Variants in ROBO1 observed in about 807,000 individuals in gnomAD.
ROBO1 encodes the protein roundabout guidance receptor 1.
Under a neutral mutation model 195.9 loss-of-function variants are expected in ROBO1, and 149 were observed. The ratio of observed to expected loss-of-function variants is 0.76; its 90% CI spans 0.67 to 0.87. The LOEUF is 0.87. Among genes scored for constraint, ROBO1 ranks in the 40% least tolerant of loss-of-function variants. The pLI, the probability that ROBO1 is intolerant of heterozygous loss-of-function variation, is 0.00. For missense variants in ROBO1, 1,933 were observed against 2,068.3 expected (o/e 0.93, Z 1.27); for synonymous variants, 816 against 733.2 (o/e 1.11, Z -1.82).
intron 3 of ROBO1, among the ~76,000 whole-genome samples, chr3:78,942,628 A>G (rs2040200250): frequency 6.6e-6 from 1 of 152,218 alleles, no homozygotes; most frequent in Non-Finnish European, 1.5e-5. Flanking sequence ...TAGAATAGCC[A>G]AACGGTACTG....
chr3:78,636,263 T>C (rs1168685640), intron 22 of ROBO1, among the ~76,000 whole-genome samples, 155 bp from the exon 23 acceptor site: 2 of 152,184 alleles, frequency 1.3e-5, no homozygotes, highest in Non-Finnish European at 1.5e-5. Context: ...TATCCACATG[T>C]GCTTTCTAAA....
chr3:79,766,431 C>T (rs912331059), intron 1 of ROBO1, among the ~76,000 whole-genome samples: 1 of 151,798 alleles, frequency 6.6e-6, no homozygotes, highest in African/African-American at 2.4e-5. Flanking sequence ...CCGTCTCCCC[C>T]ACCCCACCCA....
At chr3:78,772,861 G>A (rs1406775833) in intron 4 of ROBO1, among the ~76,000 whole-genome samples, 1 of 152,068 alleles carries the variant, frequency 6.6e-6, no homozygotes, top group East Asian at 1.9e-4. Flanking sequence ...GAGAGGTTAA[G>A]TCAGTTGCTT....
intron 11 of ROBO1, among the ~76,000 whole-genome samples, chr3:78,669,608 C>T (rs1418503846): frequency 6.6e-6 from 1 of 152,180 alleles, no homozygotes; most frequent in Non-Finnish European, 1.5e-5. Flanking sequence ...CATCATTGAG[C>T]ATTCTGATTT....
At chr3:79,676,001 A>G (rs1946773662) in intron 1 of ROBO1, among the ~76,000 whole-genome samples, 1 of 152,024 alleles carries the variant, frequency 6.6e-6, no homozygotes, top group Non-Finnish European at 1.5e-5. Context: ...CTCCTGTGTC[A>G]TATAAAACGT....
At chr3:79,044,629 T>C (rs1204177841) in intron 3 of ROBO1, among the ~76,000 whole-genome samples, 1 of 152,136 alleles carries the variant, frequency 6.6e-6, no homozygotes, top group African/African-American at 2.4e-5. Context: ...TTTTGTTCAG[T>C]ATCTATCTAT....
intron 4 of ROBO1, among the ~76,000 whole-genome samples, chr3:78,896,884 G>A (rs977850720): frequency 6.6e-6 from 1 of 152,110 alleles, no homozygotes; most frequent in Non-Finnish European, 1.5e-5. Context: ...TAAAGTATCT[G>A]CTGCATACAC....
intron 2 of ROBO1, among the ~76,000 whole-genome samples, chr3:79,476,532 GATAA>G (rs1938554590): frequency 6.6e-6 from 1 of 151,930 alleles, no homozygotes; most frequent in Non-Finnish European, 1.5e-5. Flanking sequence ...TCAACGAGTG[GATAA>G]ATAAATTGTG....
chr3:79,190,770 T>G (rs1194197056), intron 2 of ROBO1, among the ~76,000 whole-genome samples: 1 of 151,640 alleles, frequency 6.6e-6, no homozygotes, highest in Non-Finnish European at 1.5e-5. Context: ...TCTAAGCTTT[T>G]TAAAAAAATG....
intron 4 of ROBO1, among the ~76,000 whole-genome samples, chr3:78,802,072 C>T (rs2084387811): frequency 6.6e-6 from 1 of 152,022 alleles, no homozygotes; most frequent in Non-Finnish European, 1.5e-5. Context: ...TCTTTATTTC[C>T]ATTACTATGC....
At chr3:79,073,689 T>A (rs577215090) in intron 3 of ROBO1, among the ~76,000 whole-genome samples, 1 of 151,908 alleles carries the variant, frequency 6.6e-6, no homozygotes, top group East Asian at 1.9e-4. Flanking sequence ...ATGGAACAAA[T>A]AATCTGTTTC....
chr3:78,867,410 T>A (rs1458518651), intron 4 of ROBO1, among the ~76,000 whole-genome samples: 8 of 152,160 alleles, frequency 5.3e-5, no homozygotes, highest in Non-Finnish European at 1.0e-4. Context: ...AGTGTTTGAT[T>A]TTTTTTCCCC....
chr3:79,514,362 T>G (rs1399917764), intron 2 of ROBO1, among the ~76,000 whole-genome samples: 2 of 152,204 alleles, frequency 1.3e-5, no homozygotes, highest in African/African-American at 4.8e-5. Flanking sequence ...GATTGCAGTC[T>G]CTTCTTTTCA....
chr3:78,605,269 T>C (rs1703401933), intron 29 of ROBO1, among the ~76,000 whole-genome samples: 1 of 152,206 alleles, frequency 6.6e-6, no homozygotes, highest in Non-Finnish European at 1.5e-5. Context: ...AATCTCTGGG[T>C]CGGTCAATCT....
chr3:79,567,298 T>A (rs1297025791), intron 2 of ROBO1, among the ~76,000 whole-genome samples: 1 of 152,128 alleles, frequency 6.6e-6, no homozygotes, highest in Non-Finnish European at 1.5e-5. Context: ...CTAGGCTTAA[T>A]ACCTGGGTGA....
chr3:79,753,287 AT>A (rs1297266608), intron 1 of ROBO1, among the ~76,000 whole-genome samples: 1 of 144,056 alleles, frequency 6.9e-6, no homozygotes, highest in East Asian at 2.1e-4. Context: ...GGATACTGGG[AT>A]TTAAAAAAAA....
intron 3 of ROBO1, among the ~76,000 whole-genome samples, chr3:79,014,126 A>C (rs901400623): frequency 1.3e-5 from 2 of 152,136 alleles, no homozygotes; most frequent in African/African-American, 4.8e-5. Context: ...CTAGTTCTTT[A>C]TATAGTTGTT....
At chr3:79,189,537 T>C (rs990809225) in intron 2 of ROBO1, among the ~76,000 whole-genome samples, 2 of 151,714 alleles carry the variant, frequency 1.3e-5, no homozygotes, top group African/African-American at 2.4e-5. Flanking sequence ...AATGCTAGCA[T>C]TAACAGAGAA....
chr3:79,538,020 C>T (rs563017070), intron 2 of ROBO1, among the ~76,000 whole-genome samples: 3 of 152,212 alleles, frequency 2.0e-5, no homozygotes, highest in Admixed American at 1.3e-4. Flanking sequence ...CGAAGCCATC[C>T]TGGGTCGTCG....
Sources: gnomAD v4.1 joint callset for allele counts (sites outside exome capture counted in the v4.1 genomes callset) on GRCh38, gnomAD v4.1.1 for gene constraint, MANE v1.5 for transcripts, NCBI Gene and HGNC (gene_info 2026-07-23, HGNC 2026-07-21) for gene names.